The following IQCK variants were observed in gnomAD, a reference collection of about 807,000 sequenced individuals.
IQCK encodes IQ motif containing K, also known as IQ domain-containing protein K.
Under a neutral mutation model 28.1 loss-of-function variants are expected in IQCK, and 29 were observed. That is an observed-to-expected ratio of 1.03 (90% CI 0.77 to 1.41). The LOEUF (loss-of-function observed/expected upper bound fraction) is 1.41, where lower values mean the gene tolerates loss of function less well. Ranked by LOEUF, IQCK falls within the 40% of genes most tolerant of loss-of-function variation. The pLI is 0.00. For missense variants in IQCK, 359 were observed against 314.7 expected (o/e 1.14, Z -1.07); for synonymous variants, 113 against 115.1 (o/e 0.98, Z 0.12).
intron 9 of IQCK, among the ~76,000 whole-genome samples, chr16:19,851,952 G>A (rs1039287208): frequency 4.6e-5 from 7 of 152,294 alleles, no homozygotes; most frequent in Non-Finnish European, 8.8e-5. Flanking sequence ...CCACCAAGTC[G>A]AGATTTTATC....
chr16:19,726,970 A>G (rs1977675303), intron 1 of IQCK, among the ~76,000 whole-genome samples: 1 of 151,306 alleles, frequency 6.6e-6, no homozygotes, highest in South Asian at 2.1e-4. Flanking sequence ...CCTGTCTCTA[A>G]AAATACAAAA....
At chr16:19,727,091 A>G (rs1360633750) in intron 1 of IQCK, among the ~76,000 whole-genome samples, 2 of 151,446 alleles carry the variant, frequency 1.3e-5, no homozygotes, top group Admixed American at 1.3e-4. Context: ...AGATCATACC[A>G]CTGCACTCCA....
intron 4 of IQCK, among the ~76,000 whole-genome samples, chr16:19,748,163 C>G (rs1300582726): frequency 6.6e-6 from 1 of 151,170 alleles, no homozygotes; most frequent in Non-Finnish European, 1.5e-5. Context: ...CAACCTCCAC[C>G]TCCCAGGTTC....
intron 6 of IQCK, among the ~76,000 whole-genome samples, chr16:19,774,147 GGAGCTTGGAAGCACTAGAATCACACCTCT>G (rs2055355971): frequency 6.6e-6 from 1 of 152,118 alleles, no homozygotes; most frequent in Admixed American, 6.5e-5. Flanking sequence ...GTGGTGGTTA[GGAGCTTGGAAGCACTAGAATCACACCTCT>G]GCGTTCTAAA....
chr16:19,813,778 C>T (rs1233449735), intron 7 of IQCK, among the ~76,000 whole-genome samples: 1 of 151,936 alleles, frequency 6.6e-6, no homozygotes, highest in East Asian at 1.9e-4. Context: ...TACTAGATAA[C>T]AATAATATAA....
chr16:19,733,209 C>T lies in IQCK; in HGVS notation c.247-489C>T, dbSNP rs549630117. Among the ~76,000 whole-genome samples the T allele has an allele frequency of 4.6e-5, 7 of 152,058 alleles. No homozygotes were observed. In the South Asian group the frequency reaches 1.5e-3, roughly 32 times the overall value. ...CTAGAGTGCAATGGTGTGATCTCAG[C>T]TCACTGTAGCCGCCACCTCCTGAGT... On this transcript the variant is annotated intron_variant, in intron 2 of 7. Transcript: ENST00000564186.
chr16:19,769,701 C>G (rs1321516542), intron 6 of IQCK, among the ~76,000 whole-genome samples: 1 of 152,136 alleles, frequency 6.6e-6, no homozygotes, highest in East Asian at 1.9e-4. Context: ...CATTCAAAGG[C>G]TTTTGAGCAG....
At chr16:19,761,139 C>A in intron 4 of IQCK, 1 of 287,728 alleles carries the variant, frequency 3.5e-6, no homozygotes, top group Non-Finnish European at 7.0e-6. Flanking sequence ...ATGCCTTAAC[C>A]GTCTGGGAAT....
At chr16:19,784,920 C>T (rs1375159123) in intron 6 of IQCK, among the ~76,000 whole-genome samples, 1 of 152,136 alleles carries the variant, frequency 6.6e-6, no homozygotes. Flanking sequence ...AGGCACACAC[C>T]ACCACGGCTG....
At chr16:19,742,923 C>G (rs536769692) in intron 4 of IQCK, among the ~76,000 whole-genome samples, 1 of 152,156 alleles carries the variant, frequency 6.6e-6, no homozygotes, top group African/African-American at 2.4e-5. Flanking sequence ...AATCCCAGCA[C>G]TTTGGGAGGC....
intron 6 of IQCK, among the ~76,000 whole-genome samples, chr16:19,773,032 A>C (rs1482592350): frequency 6.6e-6 from 1 of 152,066 alleles, no homozygotes; most frequent in Non-Finnish European, 1.5e-5. Flanking sequence ...AAAAACATTA[A>C]AATGAGATTG....
upstream of IQCK, chr16:19,718,278 C>G (rs892368610): frequency 6.3e-7 from 1 of 1,581,594 alleles, no homozygotes; most frequent in Non-Finnish European, 8.6e-7. Flanking sequence ...GGCCTTCCGG[C>G]GAACGCGGTT....
intron 1 of IQCK, among the ~76,000 whole-genome samples, chr16:19,728,355 T>G (rs542607684): frequency 2.0e-4 from 31 of 152,226 alleles, no homozygotes; most frequent in African/African-American, 7.0e-4. Context: ...TTCAAATGAT[T>G]CTTGTGCCTC....
At chr16:19,806,124 A>C (rs948400269) in intron 7 of IQCK, among the ~76,000 whole-genome samples, 1 of 152,198 alleles carries the variant, frequency 6.6e-6, no homozygotes, top group South Asian at 2.1e-4. Context: ...TGAGACCTGA[A>C]TGAAGTTCAT....
Position 19,778,943 on chromosome 16 carries a change from T to C in IQCK, c.606-9895T>C, listed in dbSNP as rs545817645. 9.8e-5 allele frequency among the ~76,000 whole-genome samples: 15 copies of C among 152,328 alleles called. No homozygotes were observed. The East Asian group carries it at 2.7e-3, about 27-fold the overall frequency. On this transcript the variant is annotated intron_variant, in intron 6 of 7. Coordinates refer to ENST00000564186, the Ensembl canonical transcript of IQCK. ...AATTAGTATATGAGTTTCCTAGGGC[T>C]ACTGCGAGAAATTACCACAAAGTTG...
intron 1 of IQCK, among the ~76,000 whole-genome samples, chr16:19,728,969 C>T (rs540882100): frequency 1.1e-3 from 169 of 152,276 alleles, no homozygotes; most frequent in Middle Eastern, 3.4e-3. Context: ...TTAATTTTTC[C>T]TCATGACTGT....
chr16:19,824,701 G>C (rs2056122532), intron 7 of IQCK, among the ~76,000 whole-genome samples: 1 of 152,198 alleles, frequency 6.6e-6, no homozygotes, highest in East Asian at 1.9e-4. Flanking sequence ...TCCAGTCTTG[G>C]AATCTGCTTT....
At chr16:19,718,435 G>A (rs1449543862) in exon 1 of IQCK, 1 of 1,607,072 alleles carries the variant, frequency 6.2e-7, no homozygotes, top group South Asian at 1.1e-5. Context: ...CTGTCTCGTC[G>A]TGGCAGGTCA....
intron 6 of IQCK, among the ~76,000 whole-genome samples, chr16:19,774,068 G>C (rs1453865029): frequency 6.6e-6 from 1 of 152,142 alleles, no homozygotes; most frequent in African/African-American, 2.4e-5. Context: ...AGATGACAGT[G>C]AGTCAAATCC....
Sources: allele counts gnomAD v4.1 joint callset (sites outside exome capture counted in the v4.1 genomes callset), GRCh38; gene constraint gnomAD v4.1.1; transcripts MANE v1.5; gene names NCBI Gene and HGNC (gene_info 2026-07-23, HGNC 2026-07-21).